MIA2: variants seen among roughly 807,000 people sequenced by gnomAD.
MIA2 encodes melanoma inhibitory activity protein 2.
Under a neutral mutation model 167.8 loss-of-function variants are expected in MIA2, and 127 were observed. The observed-to-expected ratio is 0.76, with a 90% CI of 0.66 to 0.88. The LOEUF is 0.88. Among genes scored for constraint, MIA2 ranks in the 40% least tolerant of loss-of-function variants. MIA2 has a pLI of 0.00. For synonymous variants in MIA2, 552 were observed against 541.9 expected (o/e 1.02, Z -0.26); for missense variants, 1,690 against 1,624.7 (o/e 1.04, Z -0.69).
intron 6 of MIA2, chr14:39,267,059 A>G: frequency 6.6e-6 from 7 of 1,053,950 alleles, no homozygotes; most frequent in African/African-American, 1.7e-5. Context: ...CGGCCCCTTT[A>G]AGAGCAAACG....
At chr14:39,302,103 A>G (rs781334186) in intron 14 of MIA2, 26 bp from the exon 15 acceptor site, 25 of 1,608,648 alleles carry the variant, frequency 1.6e-5, no homozygotes, top group South Asian at 3.3e-5. Flanking sequence ...TACCCTCTCT[A>G]TTTTTCCCCT....
At chr14:39,375,308 A>T (rs905958151) in intron 23 of MIA2, among the ~76,000 whole-genome samples, 13 of 152,200 alleles carry the variant, frequency 8.5e-5, no homozygotes, top group African/African-American at 2.7e-4. Flanking sequence ...TTCATACTTT[A>T]TTCATTATTT....
chr14:39,287,167 G>A lies in MIA2; in HGVS notation c.2131-3852G>A, dbSNP rs577196097. On this transcript the variant is annotated intron_variant, in intron 9 of 28. Transcript: ENST00000640607. Reference sequence around the variant, plus strand: ...TGGCTCACTGCAGCCTCAGCCTCCCGGGTTCAGGTGTTTCTCCCACCTTAG... The same window carrying A: ...TGGCTCACTGCAGCCTCAGCCTCCCAGGTTCAGGTGTTTCTCCCACCTTAG... Among the ~76,000 whole-genome samples the A allele has an allele frequency of 8.5e-5, 13 of 152,226 alleles. No homozygotes were observed. In the South Asian group the frequency reaches 2.1e-3, roughly 24 times the overall value.
intron 9 of MIA2, among the ~76,000 whole-genome samples, chr14:39,288,463 A>ATTTTTTT (rs1371000878): frequency 6.7e-5 from 2 of 29,926 alleles, no homozygotes; most frequent in African/African-American, 2.4e-4. Flanking sequence ...ATATATATAT[A>ATTTTTTT]TATATATATA....
At chr14:39,318,101 G>A in intron 22 of MIA2, 90 bp downstream of exon 22, 1 of 898,626 alleles carries the variant, frequency 1.1e-6, no homozygotes, top group Non-Finnish European at 1.7e-6. Flanking sequence ...AAGAAAACTT[G>A]CAGTGAATCC....
chr14:39,329,716 A>G (rs370058854), intron 25 of MIA2, among the ~76,000 whole-genome samples: 4 of 146,178 alleles, frequency 2.7e-5, no homozygotes, highest in East Asian at 2.0e-4. Context: ...TTCTGCATCT[A>G]TTGAGATAAT....
intron 3 of MIA2, among the ~76,000 whole-genome samples, chr14:39,246,082 T>TTTTATTTATTTATTTA (rs71130832): frequency 0.24 from 34,057 of 143,142 alleles, 4,241 homozygotes; most frequent in Middle Eastern, 0.31. Flanking sequence ...TTTTAAAAAT[T>TTTTATTTATTTATTTA]TTTATTTATT....
At chr14:39,300,593 C>T (rs1466432435) in intron 14 of MIA2, among the ~76,000 whole-genome samples, 3 of 143,328 alleles carry the variant, frequency 2.1e-5, no homozygotes, top group Non-Finnish European at 3.0e-5. Context: ...GTGATGCTCT[C>T]ACTCATAGGT....
rs1300204187 is a variant in MIA2, at chr14:39,350,420, T to C, written c.*156T>C. 2 of 445,526 alleles carry C rather than the reference T, an allele frequency of 4.5e-6. No homozygotes were observed. Among genetic ancestry groups the C allele is most frequent in the Non-Finnish European group, 8.1e-6 (2 of 247,300 alleles). The allele number at this position is 445,526 out of a possible 1,614,324, so 27.6% of individuals were successfully genotyped here. On this transcript the variant is annotated 3_prime_UTR_variant, in exon 29 of 29. Coordinates refer to ENST00000640607, the MANE Select transcript of MIA2 (RefSeq NM_001329214.4). ...TTTGTAAATAAAGATGATTTAAATA[T>C]GAATCTTATGAGTAAATTATTTCAA...
intron 27 of MIA2, among the ~76,000 whole-genome samples, chr14:39,348,151 G>A (rs1167926401): frequency 1.3e-5 from 2 of 152,140 alleles, no homozygotes; most frequent in African/African-American, 2.4e-5. Flanking sequence ...CTAATCTCAT[G>A]CTTTACTAGA....
chr14:39,368,736 A>C (rs1264809376), intron 23 of MIA2, among the ~76,000 whole-genome samples: 2 of 141,040 alleles, frequency 1.4e-5, no homozygotes, highest in African/African-American at 5.2e-5. Context: ...TAGTCTTTCA[A>C]CTTTTGTTCT....
rs187438653 is a variant in MIA2, at chr14:39,286,917, G to A, written c.2131-4102G>A. Among the ~76,000 whole-genome samples the A allele has an allele frequency of 6.1e-3, 922 of 150,976 alleles. 5 individuals carry two copies. Among genetic ancestry groups the A allele is most frequent in the Non-Finnish European group, 8.8e-3 (596 of 67,794 alleles). On this transcript the variant is annotated intron_variant, in intron 9 of 28. Transcript: ENST00000640607. ...TGTGTGTATTTTTTGGTAGAGACAGGGTTTCACCATGTTGGACAGGCTGGT... is the reference window on the plus strand; with the variant it reads ...TGTGTGTATTTTTTGGTAGAGACAGAGTTTCACCATGTTGGACAGGCTGGT...
rs556166758 is a variant in MIA2 at position 39,319,297 on chromosome 14, C to CT, written c.3367+17dup. On this transcript the variant is annotated splice_region_variant and intron_variant, in intron 23 of 28. Transcript: ENST00000640607. The stretch of plus-strand genomic sequence containing the variant: ...AAATACAGCATTTGGCAGAGGTAGT[C>CT]TTTTTTTTTTTACCCCTCATTTAAA... 20,970 of 1,198,014 alleles carry CT rather than the reference C, an allele frequency of 0.018. 2 individuals are homozygous for CT. The highest frequency in any genetic ancestry group is 0.037 in the South Asian group (2,025 of 54,006). 74.2% of individuals were successfully genotyped at this position (1,198,014 alleles called of 1,614,324 possible).
At chr14:39,245,076 C>A (rs2054233495) in intron 3 of MIA2, among the ~76,000 whole-genome samples, 1 of 16,094 alleles carries the variant, frequency 6.2e-5, no homozygotes, top group Non-Finnish European at 1.4e-4. Context: ...CCGCACCTAG[C>A]TAACCTTTTT....
chr14:39,316,141 C>G (rs1450942918), intron 21 of MIA2, among the ~76,000 whole-genome samples: 1 of 152,172 alleles, frequency 6.6e-6, no homozygotes, highest in Admixed American at 6.5e-5. Flanking sequence ...AATTCAGTTA[C>G]CTGATCCTCA....
intron 5 of MIA2, 51 bp downstream of exon 5, chr14:39,253,017 G>A (rs1161397120): frequency 6.4e-7 from 1 of 1,558,666 alleles, no homozygotes; most frequent in African/African-American, 1.4e-5. Flanking sequence ...GAAGAAATTA[G>A]AATCAGAAGT....
intron 23 of MIA2, among the ~76,000 whole-genome samples, chr14:39,319,656 A>G (rs1164895645): frequency 6.6e-6 from 1 of 152,062 alleles, no homozygotes; most frequent in Non-Finnish European, 1.5e-5. Context: ...GTGACTGTTT[A>G]TATATTAACT....
intron 12 of MIA2, among the ~76,000 whole-genome samples, chr14:39,294,661 A>G (rs182027050): frequency 2.0e-5 from 3 of 152,200 alleles, no homozygotes; most frequent in Non-Finnish European, 4.4e-5. Context: ...GGGGAGGCAG[A>G]ATAAATAGTT....
chr14:39,293,476 A>C, intron 11 of MIA2, 95 bp downstream of exon 11: 3 of 878,874 alleles, frequency 3.4e-6, no homozygotes, highest in Non-Finnish European at 5.1e-6. Flanking sequence ...ACATTATTGT[A>C]AAAAATGTAA....
Sources: gnomAD v4.1 joint callset for allele counts (sites outside exome capture counted in the v4.1 genomes callset) on GRCh38, gnomAD v4.1.1 for gene constraint, MANE v1.5 for transcripts, NCBI Gene and HGNC (gene_info 2026-07-23, HGNC 2026-07-21) for gene names.